Variants in PCDHA1 observed in about 807,000 individuals in gnomAD.
The protein encoded by PCDHA1 is protocadherin alpha-1.
Under a neutral mutation model 61.3 loss-of-function variants are expected in PCDHA1, and 42 were observed. The observed-to-expected ratio is 0.69, with a 90% CI of 0.54 to 0.89. The LOEUF is 0.89. Ranked by LOEUF, PCDHA1 falls within the 40% of genes least tolerant of loss-of-function variation. The pLI is 0.00. For missense variants in PCDHA1, 1,256 were observed against 1,235.3 expected (o/e 1.02, Z -0.25); for synonymous variants, 610 against 553.8 (o/e 1.10, Z -1.43).
chr5:140,788,456 G>A lies in PCDHA1; in HGVS notation c.2166G>A (p.Arg722=). The change falls in exon 1 of 4, where the codon CGG becomes CGA. Residue 722 remains arginine (R), a synonymous_variant. Coordinates refer to ENST00000504120, the MANE Select transcript of PCDHA1 (RefSeq NM_018900.4). ...CACTGCTGCTGTACACGGCGCTGCG[G>A]TGCTCAGTGCCGCCCACTGAGGGTG... ...VLTLLLYTAL[R]CSVPPTEGAY... is the part of the protein sequence containing the mutation. The A allele has an allele frequency of 1.2e-6, 2 of 1,614,116 alleles. No homozygotes were observed. The highest frequency in any genetic ancestry group is 1.7e-6 in the Non-Finnish European group (2 of 1,180,000).
At chr5:140,890,752 G>A (rs2062783323) in intron 1 of PCDHA1, among the ~76,000 whole-genome samples, 1 of 151,990 alleles carries the variant, frequency 6.6e-6, no homozygotes, top group East Asian at 1.9e-4. Context: ...TTTCTGTCAT[G>A]CTTTAAAAAT....
At chr5:140,876,473 G>C in intron 1 of PCDHA1, 7 of 1,614,038 alleles carry the variant, frequency 4.3e-6, no homozygotes, top group African/African-American at 2.7e-5. Flanking sequence ...GCAGGTCACA[G>C]CATGGTCCTG....
chr5:140,836,511 CTG>C, intron 1 of PCDHA1: 2 of 1,613,860 alleles, frequency 1.2e-6, no homozygotes, highest in Non-Finnish European at 1.7e-6. Flanking sequence ...GGTGTCCAGT[CTG>C]TTGGTGCTTA....
At position 140,942,403 on chromosome 5, in the gene PCDHA1, T is replaced by A. The variant is rs184466711; in HGVS notation, c.2395-36546T>A. Among the ~76,000 whole-genome samples the A allele has an allele frequency of 2.8e-3, 421 of 151,284 alleles. 2 individuals are homozygous for A. The highest frequency in any genetic ancestry group is 0.014 in the Middle Eastern group (4 of 294). The stretch of plus-strand genomic sequence containing the variant: ...TTCCAGCCTGGGCGACAGATGAGAC[T>A]CTGTTTAAAAAAAAAAAAGATATCT... On this transcript the variant is annotated intron_variant, in intron 1 of 3. Transcript: ENST00000504120.
intron 1 of PCDHA1, among the ~76,000 whole-genome samples, chr5:140,913,536 C>A (rs949214910): frequency 4.6e-5 from 7 of 151,882 alleles, no homozygotes; most frequent in Non-Finnish European, 8.8e-5. Context: ...AAAAGATTGA[C>A]TTTTTGTTTT....
At position 140,975,481 on chromosome 5, in the gene PCDHA1, T is replaced by C. The variant is rs566642912; in HGVS notation, c.2395-3468T>C. Among the ~76,000 whole-genome samples, 225 of 152,370 alleles carry C rather than the reference T, an allele frequency of 1.5e-3. 1 individual carries two copies. The highest frequency in any genetic ancestry group is 5.2e-3 in the African/African-American group (216 of 41,590). ...TCTTGGAATTCTGCCTATCAGTTTA[T>C]ATCAATGTTCATAAAATAGCACTAT... On this transcript the variant is annotated intron_variant, in intron 1 of 3. Transcript: ENST00000504120.
At chr5:140,798,567 A>G (rs1219225720) in intron 1 of PCDHA1, among the ~76,000 whole-genome samples, 1 of 152,160 alleles carries the variant, frequency 6.6e-6, no homozygotes, top group Non-Finnish European at 1.5e-5. Context: ...CAGGCCTCCC[A>G]CTGCAGAGAT....
rs2150186408 is a variant in PCDHA1, at chr5:140,830,436, T to A, written c.2394+41752T>A. On this transcript the variant is annotated intron_variant, in intron 1 of 3. Transcript: ENST00000504120. ...CCCAGCCTTTCACCTTGTCCTATTA[T>A]GATGGGTAAGGCGGAGAATCAGGAT... is the stretch of plus-strand genomic sequence containing the variant. The A allele has an allele frequency of 1.5e-5, 24 of 1,612,796 alleles. No homozygotes were observed. The South Asian group carries it at 2.0e-4, about 13-fold the overall frequency.
At chr5:140,876,058 C>G in intron 1 of PCDHA1, 4 of 1,613,868 alleles carry the variant, frequency 2.5e-6, no homozygotes, top group Non-Finnish European at 3.4e-6. Flanking sequence ...TGAATTAGTT[C>G]TTCGGAAGTT....
At chr5:140,883,522 A>G in intron 1 of PCDHA1, 1 of 1,614,220 alleles carries the variant, frequency 6.2e-7, no homozygotes, top group Middle Eastern at 1.7e-4. Flanking sequence ...GCGAGAGCGT[A>G]TCAGCCTATG....
intron 1 of PCDHA1, among the ~76,000 whole-genome samples, chr5:140,878,662 C>G (rs1479409326): frequency 6.6e-6 from 1 of 152,194 alleles, no homozygotes; most frequent in African/African-American, 2.4e-5. Context: ...CCAGAGGCTT[C>G]TCTTTAACCA....
chr5:140,907,109 C>T (rs6883830), intron 1 of PCDHA1, among the ~76,000 whole-genome samples: 5,598 of 152,160 alleles, frequency 0.037, 292 homozygotes, highest in African/African-American at 0.12. Flanking sequence ...CCACTTCCAC[C>T]CCTTGATTCC....
chr5:140,843,693 T>C, intron 1 of PCDHA1: 1 of 1,585,660 alleles, frequency 6.3e-7, no homozygotes, highest in Non-Finnish European at 8.6e-7. Context: ...GAGCAAGATT[T>C]AAATGTTGAT....
intron 3 of PCDHA1, among the ~76,000 whole-genome samples, chr5:140,999,514 A>G (rs782202425): frequency 1.4e-4 from 22 of 152,210 alleles, no homozygotes; most frequent in Non-Finnish European, 1.0e-4. Context: ...CATTTTAAGC[A>G]TTTTGTTACC....
At chr5:140,841,796 G>A in intron 1 of PCDHA1, 2 of 1,613,920 alleles carry the variant, frequency 1.2e-6, no homozygotes, top group Non-Finnish European at 8.5e-7. Flanking sequence ...GGGCGCGTCC[G>A]ATGCAGATGT....
At chr5:140,807,776 C>T (rs1178619077) in intron 1 of PCDHA1, 2 of 1,614,004 alleles carry the variant, frequency 1.2e-6, no homozygotes, top group Admixed American at 3.3e-5. Context: ...GCTTATATTA[C>T]GGAAATCTTT....
At chr5:140,794,079 G>A (rs782052901) in intron 1 of PCDHA1, among the ~76,000 whole-genome samples, 4 of 152,210 alleles carry the variant, frequency 2.6e-5, no homozygotes, top group Non-Finnish European at 5.9e-5. Flanking sequence ...GTTCATGGCA[G>A]CACTGTTCAC....
At chr5:140,870,505 C>T in intron 1 of PCDHA1, 1 of 1,614,220 alleles carries the variant, frequency 6.2e-7, no homozygotes, top group Non-Finnish European at 8.5e-7. Context: ...GGAGAACAAC[C>T]CACCAGGCTG....
intron 1 of PCDHA1, chr5:140,930,208 A>C (rs939593947): frequency 6.6e-6 from 1 of 152,220 alleles, no homozygotes; most frequent in African/African-American, 2.4e-5. Flanking sequence ...AGAAATATTT[A>C]TGTGTTCAAA....
Sources: allele counts gnomAD v4.1 joint callset (sites outside exome capture counted in the v4.1 genomes callset), GRCh38; gene constraint gnomAD v4.1.1; transcripts MANE v1.5; gene names NCBI Gene and HGNC (gene_info 2026-07-23, HGNC 2026-07-21).